IGF2BP2: variants seen among roughly 807,000 people sequenced by gnomAD.
IGF2BP2 encodes insulin like growth factor 2 mRNA binding protein 2, also known as insulin-like growth factor 2 mRNA-binding protein 2.
IGF2BP2 carries 17 observed loss-of-function variants against 75.8 expected under a neutral mutation model. The observed-to-expected ratio is 0.22, with a 90% confidence interval of 0.15 to 0.34. The LOEUF (loss-of-function observed/expected upper bound fraction) is 0.34. IGF2BP2 is among the 10% of genes least tolerant of loss of function. The pLI, the probability that IGF2BP2 is intolerant of heterozygous loss-of-function variation, is 1.00. For missense variants in IGF2BP2, 516 were observed against 772.4 expected (o/e 0.67, Z 3.93); for synonymous variants, 288 against 295.6 (o/e 0.97, Z 0.26).
intron 7 of IGF2BP2, among the ~76,000 whole-genome samples, chr3:185,678,703 T>C (rs140715352): frequency 4.6e-5 from 7 of 152,334 alleles, no homozygotes; most frequent in Admixed American, 1.3e-4. Flanking sequence ...AGTAGTTTTA[T>C]CCATTATTGA....
chr3:185,781,834 G>A lies in IGF2BP2; in HGVS notation c.239+41319C>T, dbSNP rs367957682. On this transcript the variant is annotated intron_variant, in intron 2 of 15. Transcript: ENST00000382199. Reference sequence around the variant, plus strand: ...ATGAGTGCGTTTGCTTTGGGGAAATGTGCAAAATGGGGTTAGTGGGTTTGA... The same window carrying A: ...ATGAGTGCGTTTGCTTTGGGGAAATATGCAAAATGGGGTTAGTGGGTTTGA... 1.8e-4 allele frequency among the ~76,000 whole-genome samples: 28 copies of A among 152,142 alleles called. No homozygotes were observed. The East Asian group carries it at 4.8e-3, about 26-fold the overall frequency.
At position 185,643,259 on chromosome 3, in the gene IGF2BP2, C is replaced by G. The variant is rs966884887; in HGVS notation, c.*2272G>C. Among the ~76,000 whole-genome samples, 1 of 152,160 alleles carries G rather than the reference C, an allele frequency of 6.6e-6. No individual in the cohort carries two copies. Among genetic ancestry groups the G allele is most frequent in the South Asian group, 2.1e-4 (1 of 4,824 alleles). On this transcript the variant is annotated 3_prime_UTR_variant, in exon 16 of 16. Coordinates refer to ENST00000382199, the MANE Select transcript of IGF2BP2 (RefSeq NM_006548.6). ...CGTGGAGGCGTGAAGTGCCTCTTCC[C>G]GGAACTGCCGGGCATATTATCCTCC... is the stretch of plus-strand genomic sequence containing the variant.
intron 7 of IGF2BP2, among the ~76,000 whole-genome samples, chr3:185,682,530 G>A (rs1720537101): frequency 6.6e-6 from 1 of 152,042 alleles, no homozygotes; most frequent in South Asian, 2.1e-4. Context: ...GCACCAACTG[G>A]ACTAATATAT....
At chr3:185,765,358 A>T (rs1326084097) in intron 2 of IGF2BP2, among the ~76,000 whole-genome samples, 1 of 152,164 alleles carries the variant, frequency 6.6e-6, no homozygotes, top group Non-Finnish European at 1.5e-5. Context: ...TTCATATACT[A>T]AGAAGTACTC....
intron 10 of IGF2BP2, among the ~76,000 whole-genome samples, chr3:185,662,543 CTTTTTTT>C (rs1172808795): frequency 8.9e-6 from 1 of 112,646 alleles, no homozygotes; most frequent in Non-Finnish European, 1.8e-5. Context: ...CCTTCCCATA[CTTTTTTT>C]TTTTTTTTTT....
At chr3:185,717,067 T>C (rs553389828) in intron 2 of IGF2BP2, 11 of 292,742 alleles carry the variant, frequency 3.8e-5, no homozygotes, top group South Asian at 6.7e-5. Flanking sequence ...ATTCAGCTCA[T>C]GTTGGTCATT....
intron 5 of IGF2BP2, 66 bp downstream of exon 5, chr3:185,692,633 G>A: frequency 7.5e-7 from 1 of 1,328,428 alleles, no homozygotes. Context: ...TAAAAACACA[G>A]AACTCAATGG....
At chr3:185,688,058 C>T (rs1319807937) in intron 6 of IGF2BP2, among the ~76,000 whole-genome samples, 3 of 152,108 alleles carry the variant, frequency 2.0e-5, no homozygotes, top group Non-Finnish European at 4.4e-5. Context: ...AGTAACTTCC[C>T]TCTCTATTTC....
Position 185,646,813 on chromosome 3 carries a change from A to T in IGF2BP2, c.1707+212T>A, listed in dbSNP as rs931344927. On this transcript the variant is annotated intron_variant, in intron 15 of 15. Transcript: ENST00000382199. ...CTTCACTCTTCCCCAAGCTCCTAGCATACATACCTCGGGGATGACAGTGGA... is the reference window on the plus strand; with the variant it reads ...CTTCACTCTTCCCCAAGCTCCTAGCTTACATACCTCGGGGATGACAGTGGA... The T allele has an allele frequency of 9.6e-5, 56 of 583,800 alleles. No individual in the cohort carries two copies. The East Asian group carries it at 1.6e-3, about 17-fold the overall frequency. 36.2% of individuals were successfully genotyped at this position (583,800 alleles called of 1,614,324 possible).
chr3:185,754,369 A>G (rs1211165844), intron 2 of IGF2BP2, among the ~76,000 whole-genome samples: 2 of 152,132 alleles, frequency 1.3e-5, no homozygotes, highest in African/African-American at 4.8e-5. Context: ...ATTTCTGTAC[A>G]GACTGCAAAA....
intron 6 of IGF2BP2, 94 bp downstream of exon 6, chr3:185,689,261 T>C (rs1356313755): frequency 7.6e-7 from 1 of 1,322,734 alleles, no homozygotes; most frequent in Non-Finnish European, 1.0e-6. Context: ...CCCCCACTGC[T>C]GATGTAAGCA....
At chr3:185,792,412 C>T (rs1039595315) in intron 2 of IGF2BP2, among the ~76,000 whole-genome samples, 1 of 152,082 alleles carries the variant, frequency 6.6e-6, no homozygotes, top group African/African-American at 2.4e-5. Context: ...TGAAACCAGC[C>T]TGGCCAACAT....
At chr3:185,651,706 A>C (rs1306790430) in intron 13 of IGF2BP2, among the ~76,000 whole-genome samples, 1 of 152,218 alleles carries the variant, frequency 6.6e-6, no homozygotes, top group Non-Finnish European at 1.5e-5. Context: ...AACACACCTC[A>C]CCAAAAAACC....
chr3:185,650,881 A>G (rs1714485985), intron 13 of IGF2BP2, among the ~76,000 whole-genome samples: 1 of 152,150 alleles, frequency 6.6e-6, no homozygotes, highest in South Asian at 2.1e-4. Context: ...CCTATTCTGG[A>G]CATTTCATAT....
intron 2 of IGF2BP2, among the ~76,000 whole-genome samples, chr3:185,782,526 C>T (rs967940073): frequency 6.6e-6 from 1 of 152,110 alleles, no homozygotes; most frequent in Non-Finnish European, 1.5e-5. Context: ...CATTCGTTTA[C>T]ATAGAAAGTT....
intron 2 of IGF2BP2, among the ~76,000 whole-genome samples, chr3:185,796,435 C>A (rs6786649): frequency 0.39 from 58,943 of 151,400 alleles, 12,403 homozygotes; most frequent in African/African-American, 0.57. Flanking sequence ...TGGTGGCATA[C>A]GCCTGTAATC....
At chr3:185,776,439 C>G (rs1420361374) in intron 2 of IGF2BP2, among the ~76,000 whole-genome samples, 3 of 151,958 alleles carry the variant, frequency 2.0e-5, no homozygotes, top group African/African-American at 7.3e-5. Flanking sequence ...AAGTGAGGAC[C>G]GGGTTACTGA....
chr3:185,665,995 T>C (rs1158955897), intron 10 of IGF2BP2, among the ~76,000 whole-genome samples: 2 of 139,274 alleles, frequency 1.4e-5, no homozygotes, highest in African/African-American at 2.7e-5. Flanking sequence ...GATAGGTAGA[T>C]AGGTACATAG....
In IGF2BP2 at chr3:185,657,330, C is replaced by A. The variant is rs147318025; in HGVS notation, c.1342G>T (p.Ala448Ser). 4 of 1,613,824 alleles carry A rather than the reference C, an allele frequency of 2.5e-6. No individual in the cohort carries two copies. Among genetic ancestry groups the A allele is most frequent in the South Asian group, 2.2e-5 (2 of 91,050 alleles). The change falls in exon 12 of 16, where the codon GCA becomes TCA. Residue 448 changes from alanine to serine, a missense_variant. Physicochemically the swap from Ala to Ser is moderately conservative, Grantham distance 99 (BLOSUM62 1). Transcript: ENST00000382199. The part of the protein sequence containing the change: ...AVGAIIGKKG[A>S]HIKQLARFAG... ...AATCTCGCCAGCTGTTTGATGTGTG[C>A]CCCCTTCTTCCCGATGATGGCGCCC...
Sources: allele counts gnomAD v4.1 joint callset (sites outside exome capture counted in the v4.1 genomes callset), GRCh38; gene constraint gnomAD v4.1.1; transcripts MANE v1.5; gene names NCBI Gene and HGNC (gene_info 2026-07-23, HGNC 2026-07-21).